Variants in SPACA3 observed in about 807,000 individuals in gnomAD.
SPACA3 encodes the protein sperm acrosome membrane-associated protein 3.
SPACA3 carries 21 observed loss-of-function variants against 24.5 expected under a neutral mutation model. The observed-to-expected ratio is 0.86, with a 90% confidence interval of 0.61 to 1.24. The LOEUF (loss-of-function observed/expected upper bound fraction) is 1.24. SPACA3 is among the 50% of genes most tolerant of loss of function. The probability of loss-of-function intolerance (pLI) is 0.00; values close to 1 mark genes in which losing one functional copy is unlikely to be tolerated. For synonymous variants in SPACA3, 115 were observed against 106.9 expected (o/e 1.08, Z -0.47); for missense variants, 278 against 275.5 (o/e 1.01, Z -0.06).
intron 1 of SPACA3, chr17:32,993,155 T>C (rs756021226): frequency 2.2e-5 from 8 of 363,884 alleles, no homozygotes; most frequent in Non-Finnish European, 4.4e-5. Flanking sequence ...GTGTGGCCCA[T>C]CATGTTTTAA....
intron 4 of SPACA3, 34 bp downstream of exon 4, chr17:32,997,557 G>T (rs1381493308): frequency 6.3e-7 from 1 of 1,597,572 alleles, no homozygotes; most frequent in Admixed American, 1.7e-5. Context: ...CGCAGCGGTG[G>T]TATGGTTAGG....
At chr17:32,997,559 A>G in intron 4 of SPACA3, 36 bp downstream of exon 4, 2 of 1,595,868 alleles carry the variant, frequency 1.3e-6, no homozygotes, top group East Asian at 2.2e-5. Flanking sequence ...CAGCGGTGGT[A>G]TGGTTAGGAC....
intron 1 of SPACA3, 66 bp from the exon 2 acceptor site, chr17:32,995,343 G>T (rs1339397130): frequency 1.4e-6 from 2 of 1,456,014 alleles, no homozygotes; most frequent in Admixed American, 2.1e-5. Flanking sequence ...GGAATGCAAG[G>T]GGGCTGATAC....
rs140846693 is a variant in SPACA3 at position 32,997,344 on chromosome 17, T to TGTGTGTGTAG, written c.503-101_503-100insGTGTGTGTAG. 2.4e-3 allele frequency: 1,431 copies of TGTGTGTGTAG among 603,326 alleles called. 1 individual carries two copies. The highest frequency in any genetic ancestry group is 4.2e-3 in the South Asian group (209 of 49,504). The allele number at this position is 603,326 out of a possible 1,614,324, so 37.4% of individuals were successfully genotyped here. On this transcript the variant is annotated intron_variant, in intron 3 of 4. Coordinates refer to ENST00000269053, the MANE Select transcript of SPACA3 (RefSeq NM_173847.5). Reference sequence around the variant, plus strand: ...GTGTGTGTGTGTGTGTGTGTGTGTGTAGAGAGAGAGAGAGAGACAGACAGA... The same window carrying TGTGTGTGTAG: ...GTGTGTGTGTGTGTGTGTGTGTGTGTGTGTGTGTAGAGAGAGAGAGAGAGAGACAGACAGA...
chr17:32,997,342 T>TAGA (rs1190205163), intron 3 of SPACA3, 103 bp from the exon 4 acceptor site: 34 of 737,210 alleles, frequency 4.6e-5, no homozygotes, highest in Middle Eastern at 5.1e-4. Flanking sequence ...TGTGTGTGTG[T>TAGA]GTAGAGAGAG....
intron 2 of SPACA3, among the ~76,000 whole-genome samples, 173 bp downstream of exon 2, chr17:32,995,890 G>A (rs776263872): frequency 1.3e-5 from 2 of 152,162 alleles, no homozygotes; most frequent in African/African-American, 4.8e-5. Context: ...AGTAAAACAC[G>A]CAGTAGGCAG....
rs370068963 is a variant in SPACA3, at chr17:32,996,920, G to A, written c.421G>A (p.Gly141Arg). The change falls in exon 3 of 5, where the codon GGG becomes AGG. Residue 141 changes from glycine (G) to arginine (R), a missense_variant. Physicochemically the swap from Gly to Arg is moderately radical, Grantham distance 125 (BLOSUM62 -2). Coordinates refer to ENST00000269053, the MANE Select transcript of SPACA3 (RefSeq NM_173847.5). ...CGAGGCTGATGGGAGCACCAACAAC[G>A]GGATCTTCCAGATCAACAGCCGGAG... ...DYEADGSTNN[G>R]IFQINSRRWC... 101 of 1,609,118 alleles carry A rather than the reference G, an allele frequency of 6.3e-5. No homozygotes were observed. The highest frequency in any genetic ancestry group is 3.3e-4 in the South Asian group (30 of 90,074).
In SPACA3 at chr17:32,997,854, G is replaced by A. The variant is rs777961716; in HGVS notation, c.*76G>A. 6 of 1,477,242 alleles carry A rather than the reference G, an allele frequency of 4.1e-6. No individual in the cohort carries two copies. The highest frequency in any genetic ancestry group is 1.1e-5 in the South Asian group (1 of 87,966). 91.5% of individuals were successfully genotyped at this position (1,477,242 alleles called of 1,614,324 possible). A position where few individuals can be genotyped will look rare whatever the true frequency, so the allele number is the denominator to read the frequency against. On this transcript the variant is annotated 3_prime_UTR_variant, in exon 5 of 5. Coordinates refer to ENST00000269053, the MANE Select transcript of SPACA3 (RefSeq NM_173847.5). ...CCTAGGCTTGGGAAGACAAGCCAGCGAATAAAGGATGGTTGAACGTGAATA... is the reference window on the plus strand; with the variant it reads ...CCTAGGCTTGGGAAGACAAGCCAGCAAATAAAGGATGGTTGAACGTGAATA...
intron 1 of SPACA3, among the ~76,000 whole-genome samples, chr17:32,992,557 T>C (rs28907): frequency 0.58 from 87,932 of 152,070 alleles, 26,343 homozygotes; most frequent in African/African-American, 0.73. Flanking sequence ...GAAGTTAACT[T>C]TGTGGTGGGA....
chr17:32,996,768 A>G, intron 2 of SPACA3, 75 bp from the exon 3 acceptor site: 1 of 1,382,536 alleles, frequency 7.2e-7, no homozygotes, highest in Non-Finnish European at 9.4e-7. Context: ...CCAGCGTGGG[A>G]CCTGTGCAGT....
At chr17:32,992,074 T>A in intron 1 of SPACA3, 102 bp downstream of exon 1, 1 of 1,299,216 alleles carries the variant, frequency 7.7e-7, no homozygotes, top group Non-Finnish European at 1.1e-6. Context: ...TAGGGTGGGG[T>A]TATCCTGGCC....
In SPACA3 at chr17:32,997,514, T is replaced by A. The variant is rs1388438453; in HGVS notation, c.572T>A (p.Leu191Gln). 6.2e-7 allele frequency: 1 copy of A among 1,613,912 alleles called. No homozygotes were observed. Among genetic ancestry groups the A allele is most frequent in the Admixed American group, 1.7e-5 (1 of 60,004 alleles). Residue 191 changes from leucine to glutamine, a missense_variant, in exon 4 of 5, where the codon CTG becomes CAG. By Grantham distance (113) the Leu-to-Gln change is moderately radical (BLOSUM62 -2). Coordinates refer to ENST00000269053, the MANE Select transcript of SPACA3 (RefSeq NM_173847.5). ...AMKITQEPQG[L>Q]GYWEAWRHHC... is the part of the protein sequence containing the mutation. ...AAGATAACCCAAGAGCCTCAGGGTC[T>A]GGGTTACTGGTAAGTAACTTGGGCT...
At position 32,996,877 on chromosome 17, in the gene SPACA3, C is replaced by T. The variant is rs532259786; in HGVS notation, c.378C>T (p.Asn126=). 102 of 1,607,424 alleles carry T rather than the reference C, an allele frequency of 6.3e-5. No homozygotes were observed. The South Asian group carries it at 7.2e-4, about 11-fold the overall frequency. Residue 126 remains asparagine (N), a synonymous_variant, in exon 3 of 5, where the codon AAC becomes AAT. Transcript: ENST00000269053. ...TTGCTTATTTCACAAGCGGTTTCAACGCAGCTGCTTTGGACTACGAGGCTG... is the reference window on the plus strand; with the variant it reads ...TTGCTTATTTCACAAGCGGTTTCAATGCAGCTGCTTTGGACTACGAGGCTG... ...VCLAYFTSGF[N]AAALDYEADG... is the part of the protein sequence containing the mutation.
chr17:32,993,713 G>A (rs1309529893), intron 1 of SPACA3, among the ~76,000 whole-genome samples: 2 of 152,068 alleles, frequency 1.3e-5, no homozygotes, highest in Non-Finnish European at 2.9e-5. Flanking sequence ...CCAGGAGTTT[G>A]GGCGAGAAGA....
intron 2 of SPACA3, 81 bp downstream of exon 2, chr17:32,995,798 G>C: frequency 6.8e-7 from 1 of 1,476,188 alleles, no homozygotes; most frequent in Non-Finnish European, 9.1e-7. Flanking sequence ...TCTCATTCAA[G>C]GGCTGTGGCT....
At chr17:32,992,946 T>G (rs1193838957) in intron 1 of SPACA3, 2 of 470,764 alleles carry the variant, frequency 4.2e-6, no homozygotes, top group Non-Finnish European at 8.8e-6. Context: ...GTGTATAGAA[T>G]AGCTTGGAAG....
At chr17:32,996,223 C>T (rs1013573182) in intron 2 of SPACA3, among the ~76,000 whole-genome samples, 7 of 152,126 alleles carry the variant, frequency 4.6e-5, no homozygotes, top group African/African-American at 1.7e-4. Flanking sequence ...TGCAGTGGCT[C>T]AGGCCTGTAA....
In SPACA3 at chr17:32,997,762, A is replaced by T. The variant is rs747807035; in HGVS notation, c.632A>T (p.Asp211Val). The change falls in exon 5 of 5, where the codon GAT becomes GTT. Residue 211 changes from aspartate (D) to valine (V), a missense_variant. By Grantham distance (152) the Asp-to-Val change is radical (BLOSUM62 -3). Coordinates refer to ENST00000269053, the MANE Select transcript of SPACA3 (RefSeq NM_173847.5). ...GGAAAAGACCTCACTGAATGGGTGG[A>T]TGGCTGTGACTTCTAGGATGGACGG... ...CQGKDLTEWV[D>V]GCDF 6.2e-7 allele frequency: 1 copy of T among 1,614,196 alleles called. No homozygotes were observed. Among genetic ancestry groups the T allele is most frequent in the Non-Finnish European group, 8.5e-7 (1 of 1,180,034 alleles).
At chr17:32,994,413 G>A (rs16967838) in intron 1 of SPACA3, among the ~76,000 whole-genome samples, 12,668 of 152,250 alleles carry the variant, frequency 0.083, 1,779 homozygotes, top group African/African-American at 0.29. Flanking sequence ...CTTCCAACCC[G>A]AACCTTGCTG....
Sources: gnomAD v4.1 joint callset for allele counts (sites outside exome capture counted in the v4.1 genomes callset) on GRCh38, gnomAD v4.1.1 for gene constraint, MANE v1.5 for transcripts, NCBI Gene and HGNC (gene_info 2026-07-23, HGNC 2026-07-21) for gene names.